MAP3K13: variants seen among roughly 807,000 people sequenced by gnomAD.
MAP3K13 encodes the protein leucine zipper-bearing kinase.
A neutral mutation model predicts 104.0 loss-of-function variants in MAP3K13; 52 were observed. The observed-to-expected ratio is 0.50, with a 90% confidence interval of 0.40 to 0.63. The LOEUF (loss-of-function observed/expected upper bound fraction) is 0.63, where lower values mean the gene tolerates loss of function less well. MAP3K13 is among the 20% of genes least tolerant of loss of function. The pLI is 0.00. For synonymous variants in MAP3K13, 394 were observed against 442.2 expected, an observed-to-expected ratio of 0.89 and a Z score of 1.37; for missense variants, 914 against 1,218.5, an observed-to-expected ratio of 0.75 and a Z score of 3.72.
At chr3:185,327,379 C>G (rs1343654900) in intron 2 of MAP3K13, among the ~76,000 whole-genome samples, 1 of 152,132 alleles carries the variant, frequency 6.6e-6, no homozygotes, top group African/African-American at 2.4e-5. Flanking sequence ...GTAACATATT[C>G]ACAGGTTCTC....
intron 6 of MAP3K13, 79 bp from the exon 7 acceptor site, chr3:185,451,205 ATCT>A (rs1374866286): frequency 2.0e-6 from 2 of 979,742 alleles, no homozygotes; most frequent in East Asian, 4.8e-5. Context: ...GAAGTAAACA[ATCT>A]TCTTCATAAA....
upstream of MAP3K13, among the ~76,000 whole-genome samples, chr3:185,359,877 C>T (rs1294967716): frequency 6.6e-6 from 1 of 151,676 alleles, no homozygotes; most frequent in Non-Finnish European, 1.5e-5. Context: ...GGTCATGATA[C>T]TTTGGACTTC....
In MAP3K13 at chr3:185,455,444, TGA is replaced by T. The variant is rs1435668618; in HGVS notation, c.1278+4052_1278+4053del. Among the ~76,000 whole-genome samples the T allele has an allele frequency of 4.5e-5, 5 of 110,876 alleles. 1 individual carries two copies. The highest frequency in any genetic ancestry group is 6.9e-5 in the African/African-American group (2 of 28,794). The allele number at this position is 110,876 out of a possible 152,430, so 72.7% of individuals were successfully genotyped here. On this transcript the variant is annotated intron_variant, in intron 7 of 13. Coordinates refer to ENST00000265026, the MANE Select transcript of MAP3K13 (RefSeq NM_004721.5). ...ATATGATATATATGAGATATATATA[TGA>T]GATATATATCATATATATGAGATAT...
chr3:185,464,304 A>AT (rs1717284063), intron 8 of MAP3K13, among the ~76,000 whole-genome samples: 1 of 152,222 alleles, frequency 6.6e-6, no homozygotes, highest in African/African-American at 2.4e-5. Flanking sequence ...AGAGAGAGAG[A>AT]TAAGACATGT....
chr3:185,298,325 AT>A (rs2108677828), intron 2 of MAP3K13, among the ~76,000 whole-genome samples: 2 of 152,304 alleles, frequency 1.3e-5, no homozygotes, highest in East Asian at 3.9e-4. Context: ...AATAATGGAA[AT>A]ATGTATGTTT....
intron 7 of MAP3K13, among the ~76,000 whole-genome samples, chr3:185,454,494 A>G (rs1469714566): frequency 4.9e-5 from 5 of 102,174 alleles, no homozygotes; most frequent in African/African-American, 2.1e-4. Context: ...TGATATATAT[A>G]CATATATATG....
chr3:185,334,972 A>G (rs1722426310), intron 2 of MAP3K13, among the ~76,000 whole-genome samples: 1 of 152,100 alleles, frequency 6.6e-6, no homozygotes, highest in African/African-American at 2.4e-5. Context: ...ACAAAACTGC[A>G]ATAGACATGG....
At chr3:185,313,437 T>C (rs1342748818) in intron 2 of MAP3K13, among the ~76,000 whole-genome samples, 2 of 151,726 alleles carry the variant, frequency 1.3e-5, no homozygotes, top group African/African-American at 4.8e-5. Flanking sequence ...GCCCAGCTAA[T>C]TTTTTGTATT....
At chr3:185,363,718 C>A (rs1018358062) in intron 1 of MAP3K13, among the ~76,000 whole-genome samples, 3 of 152,228 alleles carry the variant, frequency 2.0e-5, no homozygotes, top group African/African-American at 7.2e-5. Flanking sequence ...CAGAAAGGTG[C>A]TGAGAAAAGC....
At chr3:185,436,520 C>G (rs1715036262) in intron 2 of MAP3K13, among the ~76,000 whole-genome samples, 1 of 152,114 alleles carries the variant, frequency 6.6e-6, no homozygotes, top group Non-Finnish European at 1.5e-5. Flanking sequence ...ACTTAACCAC[C>G]CTATGCCTTA....
chr3:185,472,509 C>T (rs1490953432), intron 10 of MAP3K13, among the ~76,000 whole-genome samples: 1 of 152,138 alleles, frequency 6.6e-6, no homozygotes, highest in Non-Finnish European at 1.5e-5. Flanking sequence ...CCGCACCCGG[C>T]CCATCCCTTC....
chr3:185,327,437 A>T (rs1280745574), intron 2 of MAP3K13, among the ~76,000 whole-genome samples: 1 of 152,202 alleles, frequency 6.6e-6, no homozygotes, highest in Non-Finnish European at 1.5e-5. Flanking sequence ...TTTGCCTATC[A>T]CGGTGCTTGT....
At chr3:185,453,448 G>A (rs1230329978) in intron 7 of MAP3K13, among the ~76,000 whole-genome samples, 1 of 152,076 alleles carries the variant, frequency 6.6e-6, no homozygotes, top group African/African-American at 2.4e-5. Context: ...CCAGGAAAGT[G>A]TCTGATGAAA....
At chr3:185,472,457 C>A (rs1029347733) in intron 10 of MAP3K13, among the ~76,000 whole-genome samples, 2 of 151,980 alleles carry the variant, frequency 1.3e-5, no homozygotes, top group African/African-American at 4.8e-5. Context: ...GTGATCCACC[C>A]TCCTTGGCCT....
At chr3:185,434,854 G>A (rs562424051) in intron 2 of MAP3K13, among the ~76,000 whole-genome samples, 1 of 152,210 alleles carries the variant, frequency 6.6e-6, no homozygotes, top group South Asian at 2.1e-4. Flanking sequence ...TAAAAATTAG[G>A]GTAATTTGGG....
chr3:185,477,533 G>GT, intron 12 of MAP3K13, 137 bp downstream of exon 12: 2 of 655,280 alleles, frequency 3.1e-6, no homozygotes, highest in Non-Finnish European at 5.5e-6. Flanking sequence ...CTGTGTTCAT[G>GT]TTTTCCTGTT....
rs1051012653 is a variant in MAP3K13, at chr3:185,485,639, C to T, written c.*3183C>T. ...GTATCGCAGTGCTTGTGTTCAAGTA[C>T]CCCTATTTAATTAATAATAGCCCCA... On this transcript the variant is annotated 3_prime_UTR_variant, in exon 14 of 14. Transcript: ENST00000265026. The T allele has an allele frequency of 4.0e-5, 6 of 151,716 alleles. No homozygotes were observed. Among genetic ancestry groups the T allele is most frequent in the Non-Finnish European group, 7.4e-5 (5 of 67,970 alleles). 9.4% of individuals were successfully genotyped at this position (151,716 alleles called of 1,614,324 possible).
intron 2 of MAP3K13, among the ~76,000 whole-genome samples, chr3:185,332,454 G>A (rs1318580708): frequency 6.6e-6 from 1 of 152,210 alleles, no homozygotes; most frequent in East Asian, 1.9e-4. Context: ...CAGTTCGGTA[G>A]TGTTAAGTAT....
chr3:185,373,506 G>A (rs1724258330), intron 1 of MAP3K13, among the ~76,000 whole-genome samples: 1 of 152,100 alleles, frequency 6.6e-6, no homozygotes, highest in Non-Finnish European at 1.5e-5. Flanking sequence ...GCCAGGTGTG[G>A]TGGCATACGC....
Sources: allele counts gnomAD v4.1 joint callset (sites outside exome capture counted in the v4.1 genomes callset), GRCh38; gene constraint gnomAD v4.1.1; transcripts MANE v1.5; gene names NCBI Gene and HGNC (gene_info 2026-07-23, HGNC 2026-07-21).